Variants in HNF1B observed in about 807,000 individuals in gnomAD.
HNF1B encodes HNF1 homeobox B, also known as hepatocyte nuclear factor 1-beta.
In HNF1B, 8 loss-of-function variants were observed where a neutral mutation model predicts 61.7. That is an observed-to-expected ratio of 0.13 (90% CI 0.08 to 0.23). HNF1B has a LOEUF of 0.23. Ranked by LOEUF, HNF1B falls within the 10% of genes least tolerant of loss-of-function variation. The pLI is 1.00. For synonymous variants in HNF1B, 314 were observed against 287.7 expected (o/e 1.09, Z -0.93); for missense variants, 562 against 714.5 (o/e 0.79, Z 2.43).
chr17:37,687,354 G>T lies in HNF1B; in HGVS notation c.*18C>A, dbSNP rs746519662. 3 of 1,614,116 alleles carry T rather than the reference G, an allele frequency of 1.9e-6. No individual in the cohort carries two copies. The highest frequency in any genetic ancestry group is 1.1e-5 in the South Asian group (1 of 91,082). ...CAGGGTCCTTGTTGTTGCGCACGAA[G>T]TAAGTGGTGTGTGGGCATCACCAGG... On this transcript the variant is annotated 3_prime_UTR_variant, in exon 9 of 9. Transcript: ENST00000617811.
chr17:37,724,942 A>G (rs1158016931), intron 4 of HNF1B, among the ~76,000 whole-genome samples: 1 of 150,366 alleles, frequency 6.7e-6, no homozygotes, highest in Admixed American at 6.7e-5. Context: ...GTGTGTATAT[A>G]TATATAATAC....
At position 37,706,788 on chromosome 17, in the gene HNF1B, A is replaced by G. The variant is rs141788565; in HGVS notation, c.1207-1739T>C. On this transcript the variant is annotated intron_variant, in intron 5 of 8. Transcript: ENST00000617811. ...ACAGTAATTTCTCTGACATTTCAGC[A>G]TTTGGTTAATGGTATAAGAGAAGTG... 3.0e-4 allele frequency among the ~76,000 whole-genome samples: 46 copies of G among 152,184 alleles called. 2 individuals are homozygous for G. In the South Asian group the frequency reaches 9.5e-3, roughly 32 times the overall value.
At chr17:37,688,380 A>ACACACACAC (rs2032055093) in intron 8 of HNF1B, among the ~76,000 whole-genome samples, 11 of 136,100 alleles carry the variant, frequency 8.1e-5, no homozygotes, top group African/African-American at 1.9e-4. Flanking sequence ...GATCCCCCCA[A>ACACACACAC]ACACACACAC....
intron 2 of HNF1B, 72 bp downstream of exon 2, chr17:37,739,368 C>G: frequency 2.1e-6 from 3 of 1,413,430 alleles, no homozygotes; most frequent in Non-Finnish European, 1.0e-6. Context: ...GAAAGGGAAA[C>G]TGAGGCAGCC....
chr17:37,720,224 AAG>A (rs1056723840), intron 4 of HNF1B, among the ~76,000 whole-genome samples: 2 of 152,206 alleles, frequency 1.3e-5, no homozygotes, highest in African/African-American at 4.8e-5. Context: ...AAGGAAACAA[AAG>A]AGGAGACGTT....
At chr17:37,713,665 T>C (rs1226105679) in intron 4 of HNF1B, among the ~76,000 whole-genome samples, 2 of 152,222 alleles carry the variant, frequency 1.3e-5, no homozygotes, top group African/African-American at 2.4e-5. Flanking sequence ...TATCAATTTC[T>C]TGGGTGAGCA....
Position 37,736,741 on chromosome 17 carries a change from TGAG to T in HNF1B, c.544+2696_544+2698del, listed in dbSNP as rs374332078. On this transcript the variant is annotated intron_variant, in intron 2 of 8. Coordinates refer to ENST00000617811, the MANE Select transcript of HNF1B (RefSeq NM_000458.4). ...CTGCCTCAGTCTCTCACCTGCCCTT[TGAG>T]GAGGTAGCAGGCTGAACAGTGTTCA... Among the ~76,000 whole-genome samples the T allele has an allele frequency of 2.0e-3, 298 of 152,330 alleles. 1 individual carries two copies. Among genetic ancestry groups the T allele is most frequent in the African/African-American group, 6.9e-3 (288 of 41,572 alleles).
Position 37,744,913 on chromosome 17 carries a change from A to AAAAAGAGGGGGGGGG in HNF1B, c.-30_-29insCCCCCCCCCTCTTTT. ...CCAAGGACGGAAAAAGAAGGGGGTG[A>AAAAAGAGGGGGGGGG]GGGGGTGGGTGGGTGCGAGAGAGGA... is the stretch of plus-strand genomic sequence containing the variant. On this transcript the variant is annotated 5_prime_UTR_variant, in exon 1 of 9. Transcript: ENST00000617811. 3.1e-6 allele frequency: 1 copy of AAAAAGAGGGGGGGGG among 322,968 alleles called. No homozygotes were observed. Among genetic ancestry groups the AAAAAGAGGGGGGGGG allele is most frequent in the Admixed American group, 3.9e-5 (1 of 25,894 alleles). The allele number at this position is 322,968 out of a possible 1,614,324, so 20.0% of individuals were successfully genotyped here.
chr17:37,701,838 C>T (rs2032582508), intron 6 of HNF1B, among the ~76,000 whole-genome samples: 1 of 152,108 alleles, frequency 6.6e-6, no homozygotes, highest in African/African-American at 2.4e-5. Flanking sequence ...ACTAAAAGGA[C>T]CAGGTTTTAG....
At chr17:37,698,235 C>T (rs2032451401) in intron 8 of HNF1B, among the ~76,000 whole-genome samples, 1 of 152,040 alleles carries the variant, frequency 6.6e-6, no homozygotes, top group Non-Finnish European at 1.5e-5. Flanking sequence ...CAAACAGTTC[C>T]CACACTGCAC....
chr17:37,711,311 T>A (rs570142027), intron 4 of HNF1B, among the ~76,000 whole-genome samples: 2 of 152,302 alleles, frequency 1.3e-5, no homozygotes, highest in East Asian at 3.9e-4. Context: ...ATTCCTTTGC[T>A]GGGGGTCCCA....
intron 4 of HNF1B, among the ~76,000 whole-genome samples, chr17:37,723,181 A>AC (rs2033377235): frequency 6.6e-6 from 1 of 151,562 alleles, no homozygotes; most frequent in Middle Eastern, 3.2e-3. Context: ...CTACTAAAAA[A>AC]AAAAAAATAC....
Position 37,737,766 on chromosome 17 carries a change from C to T in HNF1B, c.544+1674G>A, listed in dbSNP as rs369293349. 1.1e-3 allele frequency among the ~76,000 whole-genome samples: 166 copies of T among 151,886 alleles called. 3 individuals carry two copies. The South Asian group carries it at 0.032, about 30-fold the overall frequency. The stretch of plus-strand genomic sequence containing the variant: ...AGGAGAATGGCGTGAACCCGGGAGG[C>T]GGAGCTTGCAGTGAGCCAAGATCGC... On this transcript the variant is annotated intron_variant, in intron 2 of 8. Coordinates refer to ENST00000617811, the MANE Select transcript of HNF1B (RefSeq NM_000458.4).
At position 37,744,966 on chromosome 17, in the gene HNF1B, C is replaced by A. The variant is rs886052892; in HGVS notation, c.-82G>T. 141 of 1,245,946 alleles carry A rather than the reference C, an allele frequency of 1.1e-4. No individual in the cohort carries two copies. The highest frequency in any genetic ancestry group is 1.6e-5 in the Non-Finnish European group (14 of 875,574). The allele number at this position is 1,245,946 out of a possible 1,614,324, so 77.2% of individuals were successfully genotyped here. A position where few individuals can be genotyped will look rare whatever the true frequency, so the allele number is the denominator to read the frequency against. ...GTGGAGGGGAGTTTCACAAGCAAAC[C>A]CCAAATCCAGGAACCCCTCCACCCT... On this transcript the variant is annotated 5_prime_UTR_variant, in exon 1 of 9. Coordinates refer to ENST00000617811, the MANE Select transcript of HNF1B (RefSeq NM_000458.4).
rs769477849 is a variant in HNF1B, at chr17:37,699,175, T to C, written c.1554A>G (p.Glu518=). The change falls in exon 8 of 9, where the codon GAA becomes GAG. Residue 518 remains glutamate, a synonymous_variant. Coordinates refer to ENST00000617811, the MANE Select transcript of HNF1B (RefSeq NM_000458.4). ...QNSHMYAHKQ[E]PPQYSHTSRF... Reference sequence around the variant, plus strand: ...GGGAGGTGTGGGAATACTGGGGGGGTTCCTGCTTGTGTGCGTACACTGGAG... The same window carrying C: ...GGGAGGTGTGGGAATACTGGGGGGGCTCCTGCTTGTGTGCGTACACTGGAG... 6.2e-7 allele frequency: 1 copy of C among 1,613,456 alleles called. No homozygotes were observed. Among genetic ancestry groups the C allele is most frequent in the Non-Finnish European group, 8.5e-7 (1 of 1,179,800 alleles).
In HNF1B at chr17:37,744,833, T is replaced by C; in HGVS notation, c.52A>G (p.Ser18Gly). The C allele has an allele frequency of 6.2e-7, 1 of 1,602,988 alleles. No homozygotes were observed. The highest frequency in any genetic ancestry group is 1.7e-4 in the Middle Eastern group (1 of 6,032). ...AGCACCTCCTTGGTGACCCCGGAGCTCAGCAGGGCGCTCAGGAGTTCTTGC... is the reference window on the plus strand; with the variant it reads ...AGCACCTCCTTGGTGACCCCGGAGCCCAGCAGGGCGCTCAGGAGTTCTTGC... ...LQQELLSALL[S>G]SGVTKEVLVQ... Residue 18 changes from serine to glycine, a missense_variant, in exon 1 of 9, where the codon AGC becomes GGC. This residue lies in a region of HNF1B where 148 missense variants were observed against 147.3 expected (regional missense o/e 1.00). Coordinates refer to ENST00000617811, the MANE Select transcript of HNF1B (RefSeq NM_000458.4).
intron 5 of HNF1B, among the ~76,000 whole-genome samples, chr17:37,709,789 G>A (rs1452693231): frequency 6.6e-6 from 1 of 152,114 alleles, no homozygotes; most frequent in Non-Finnish European, 1.5e-5. Context: ...CCCCCACCAA[G>A]TCTATTGTTA....
intron 1 of HNF1B, among the ~76,000 whole-genome samples, chr17:37,744,259 C>T (rs923837191): frequency 2.0e-5 from 3 of 152,256 alleles, no homozygotes; most frequent in African/African-American, 7.2e-5. Context: ...AAGGGCTCCA[C>T]AGCTCCAGTT....
At chr17:37,715,177 C>T (rs904587028) in intron 4 of HNF1B, among the ~76,000 whole-genome samples, 4 of 152,054 alleles carry the variant, frequency 2.6e-5, no homozygotes, top group Admixed American at 1.3e-4. Context: ...CAGAGACTTA[C>T]GGCAGGAGTC....
Sources: gnomAD v4.1 joint callset for allele counts (sites outside exome capture counted in the v4.1 genomes callset) on GRCh38, gnomAD v4.1.1 for gene constraint, gnomAD v4.1.1 regional missense constraint, MANE v1.5 for transcripts, NCBI Gene and HGNC (gene_info 2026-07-23, HGNC 2026-07-21) for gene names.